The following CSN1S1 variants were observed in gnomAD, a reference collection of about 807,000 sequenced individuals.
The protein encoded by CSN1S1 is casein alpha s1.
A neutral mutation model predicts 49.1 loss-of-function variants in CSN1S1; 63 were observed. The observed-to-expected ratio is 1.28, with a 90% CI of 1.05 to 1.58. The LOEUF (loss-of-function observed/expected upper bound fraction) is 1.58, where lower values mean the gene tolerates loss of function less well. Among genes scored for constraint, CSN1S1 ranks in the 40% most tolerant of loss-of-function variants. The pLI is 0.00. For missense variants in CSN1S1, 260 were observed against 224.7 expected, an observed-to-expected ratio of 1.16 and a Z score of -1.01; for synonymous variants, 78 against 67.1, an observed-to-expected ratio of 1.16 and a Z score of -0.79.
At chr4:69,938,670 C>A (rs1722883661) in intron 9 of CSN1S1, among the ~76,000 whole-genome samples, 1 of 151,414 alleles carries the variant, frequency 6.6e-6, no homozygotes, top group African/African-American at 2.4e-5. Context: ...ACATAAATGA[C>A]TTTGAAGAAA....
intron 4 of CSN1S1, 127 bp downstream of exon 4, chr4:69,934,837 A>C (rs1295419543): frequency 7.6e-6 from 6 of 793,462 alleles, no homozygotes; most frequent in Non-Finnish European, 1.2e-5. Context: ...CAACAACTCA[A>C]GTACCTGGAT....
chr4:69,946,181 T>C lies in CSN1S1; in HGVS notation c.*-15T>C. The C allele has an allele frequency of 1.8e-6, 1 of 549,514 alleles. No homozygotes were observed. The highest frequency in any genetic ancestry group is 3.4e-6 in the Non-Finnish European group (1 of 296,812). 34.0% of individuals were successfully genotyped at this position (549,514 alleles called of 1,614,324 possible). Reference sequence around the variant, plus strand: ...TTTAATATAACTCACCACATATTTCTATTTCTATTTACAGATATGATTGAA... The same window carrying C: ...TTTAATATAACTCACCACATATTTCCATTTCTATTTACAGATATGATTGAA... On this transcript the variant is annotated splice_polypyrimidine_tract_variant and intron_variant, in intron 15 of 15. Coordinates refer to ENST00000246891, the MANE Select transcript of CSN1S1 (RefSeq NM_001890.2).
At chr4:69,935,562 T>C (rs1722749927) in intron 4 of CSN1S1, among the ~76,000 whole-genome samples, 1 of 152,048 alleles carries the variant, frequency 6.6e-6, no homozygotes, top group Non-Finnish European at 1.5e-5. Flanking sequence ...TTGTTGTTGT[T>C]GTTGTTTAAC....
At position 69,941,907 on chromosome 4, in the gene CSN1S1, G is replaced by C. The variant is rs143505960; in HGVS notation, c.343-139G>C. On this transcript the variant is annotated intron_variant, in intron 12 of 15. Coordinates refer to ENST00000246891, the MANE Select transcript of CSN1S1 (RefSeq NM_001890.2). ...ACTGTTAGAACCTACTTGTCCTCCT[G>C]AGAGATTTTGTAGTATTTTACAGTG... is the stretch of plus-strand genomic sequence containing the variant. The C allele has an allele frequency of 1.1e-3, 528 of 473,670 alleles. 3 individuals carry two copies. Among genetic ancestry groups the C allele is most frequent in the African/African-American group, 9.1e-3 (468 of 51,166 alleles). The allele number at this position is 473,670 out of a possible 1,614,324, so 29.3% of individuals were successfully genotyped here.
chr4:69,945,174 G>A (rs1723123622), intron 15 of CSN1S1, among the ~76,000 whole-genome samples, 170 bp downstream of exon 15: 1 of 151,966 alleles, frequency 6.6e-6, no homozygotes, highest in Non-Finnish European at 1.5e-5. Context: ...TGTGGGACCT[G>A]TGGCTAATAT....
At chr4:69,937,671 T>C in intron 8 of CSN1S1, 129 bp from the exon 9 acceptor site, 2 of 707,830 alleles carry the variant, frequency 2.8e-6, no homozygotes, top group East Asian at 3.2e-5. Flanking sequence ...GTTTTTTTAG[T>C]TTTTCTTATT....
Position 69,934,726 on chromosome 4 carries a change from G to A in CSN1S1, c.105+16G>A. On this transcript the variant is annotated intron_variant, in intron 4 of 15. Coordinates refer to ENST00000246891, the MANE Select transcript of CSN1S1 (RefSeq NM_001890.2). The stretch of plus-strand genomic sequence containing the variant: ...GAGCAGTGAGGTAAGCTCTGTTTAT[G>A]GGGAGTCAGGATTCTCTCTTCCTTT... 1.2e-6 allele frequency: 2 copies of A among 1,605,812 alleles called. No homozygotes were observed. The highest frequency in any genetic ancestry group is 1.1e-5 in the South Asian group (1 of 90,612).
At chr4:69,937,742 C>T (rs1722834824) in intron 8 of CSN1S1, 58 bp from the exon 9 acceptor site, 3 of 1,324,304 alleles carry the variant, frequency 2.3e-6, no homozygotes, top group African/African-American at 1.5e-5. Context: ...GTAATCATTA[C>T]TTTTGTATTT....
At chr4:69,936,204 T>C (rs2637803) in intron 5 of CSN1S1, among the ~76,000 whole-genome samples, 82,634 of 151,814 alleles carry the variant, frequency 0.54, 23,228 homozygotes, top group East Asian at 0.72. Flanking sequence ...AAATTTATTT[T>C]TAAATTTGTA....
chr4:69,940,491 T>A (rs1475747036), intron 11 of CSN1S1, among the ~76,000 whole-genome samples: 2 of 151,738 alleles, frequency 1.3e-5, no homozygotes, highest in Non-Finnish European at 3.0e-5. Flanking sequence ...AGCTCTACCT[T>A]TTACACGTAT....
rs1221581149 is a variant in CSN1S1 at position 69,945,847 on chromosome 4, GTGTT to G, written c.*-345_*-342del. 9.4e-5 allele frequency among the ~76,000 whole-genome samples: 9 copies of G among 95,452 alleles called. No homozygotes were observed. In the South Asian group the frequency reaches 2.0e-3, roughly 21 times the overall value. 62.6% of individuals were successfully genotyped at this position (95,452 alleles called of 152,430 possible). On this transcript the variant is annotated intron_variant, in intron 15 of 15. Transcript: ENST00000246891. Reference sequence around the variant, plus strand: ...CCACTACATTGGAGCTTCCAATTGTGTGTTTGTGTGTGTGTGTTTCCTTTTCCAG... The same window carrying G: ...CCACTACATTGGAGCTTCCAATTGTGTGTGTGTGTGTGTTTCCTTTTCCAG...
intron 2 of CSN1S1, among the ~76,000 whole-genome samples, chr4:69,933,892 A>G (rs1031083060): frequency 1.1e-4 from 16 of 152,022 alleles, no homozygotes; most frequent in African/African-American, 3.9e-4. Context: ...AACTAAATAA[A>G]TTGTTTATTA....
Position 69,941,076 on chromosome 4 carries a change from T to C in CSN1S1, c.342+16T>C. 3.0e-6 allele frequency: 4 copies of C among 1,342,600 alleles called. No individual in the cohort carries two copies. The Middle Eastern group carries it at 6.2e-4, about 207-fold the overall frequency. The allele number at this position is 1,342,600 out of a possible 1,614,324, so 83.2% of individuals were successfully genotyped here. A position where few individuals can be genotyped will look rare whatever the true frequency, so the allele number is the denominator to read the frequency against. ...ACTTCAGCTGGTAATATTTTATTCATTATAATACAAAATCATATTCTACTA... is the reference window on the plus strand; with the variant it reads ...ACTTCAGCTGGTAATATTTTATTCACTATAATACAAAATCATATTCTACTA... On this transcript the variant is annotated intron_variant, in intron 12 of 15. Coordinates refer to ENST00000246891, the MANE Select transcript of CSN1S1 (RefSeq NM_001890.2).
In CSN1S1 at chr4:69,942,036, T is replaced by C. The variant is rs756813253; in HGVS notation, c.343-10T>C. The C allele has an allele frequency of 5.5e-6, 8 of 1,457,138 alleles. No individual in the cohort carries two copies. Among genetic ancestry groups the C allele is most frequent in the African/African-American group, 2.8e-5 (2 of 71,426 alleles). 90.3% of individuals were successfully genotyped at this position (1,457,138 alleles called of 1,614,324 possible). On this transcript the variant is annotated splice_polypyrimidine_tract_variant and intron_variant, in intron 12 of 15. Coordinates refer to ENST00000246891, the MANE Select transcript of CSN1S1 (RefSeq NM_001890.2). The stretch of plus-strand genomic sequence containing the variant: ...GAAAATACTAAAACAGAATGTTTTC[T>C]CCTCCCTAGCAAGCTGCCCATGCCC...
At chr4:69,939,458 T>C (rs1025535935) in intron 10 of CSN1S1, among the ~76,000 whole-genome samples, 16 of 151,784 alleles carry the variant, frequency 1.1e-4, no homozygotes, top group African/African-American at 3.9e-4. Context: ...AAATTATTTT[T>C]TTAACCAATT....
intron 11 of CSN1S1, among the ~76,000 whole-genome samples, chr4:69,940,357 T>TA (rs1204848652): frequency 6.6e-6 from 1 of 151,804 alleles, no homozygotes; most frequent in Non-Finnish European, 1.5e-5. Context: ...CGACTTTTTT[T>TA]ATCCCAGTTA....
chr4:69,931,310 C>T (rs1048171431), intron 1 of CSN1S1, among the ~76,000 whole-genome samples, 193 bp downstream of exon 1: 2 of 151,930 alleles, frequency 1.3e-5, no homozygotes, highest in Non-Finnish European at 2.9e-5. Flanking sequence ...TGAATCAATA[C>T]AGTTTTATAA....
chr4:69,944,837 T>C lies in CSN1S1; in HGVS notation c.403-13T>C, dbSNP rs371424252. 3.7e-5 allele frequency: 60 copies of C among 1,611,130 alleles called. No individual in the cohort carries two copies. The African/African-American group carries it at 8.0e-4, about 22-fold the overall frequency. On this transcript the variant is annotated splice_polypyrimidine_tract_variant and intron_variant, in intron 14 of 15. Transcript: ENST00000246891. Reference sequence around the variant, plus strand: ...CTCATACACTGTTGCTTTTCAAATGTTTTTCCCTCTAGCCTTTCCAGCAGC... The same window carrying C: ...CTCATACACTGTTGCTTTTCAAATGCTTTTCCCTCTAGCCTTTCCAGCAGC...
intron 7 of CSN1S1, 58 bp downstream of exon 7, chr4:69,936,665 A>T: frequency 6.7e-7 from 1 of 1,490,804 alleles, no homozygotes; most frequent in Non-Finnish European, 9.0e-7. Flanking sequence ...TAGTAGAAAA[A>T]AAGTTTTCCT....
Sources: allele counts gnomAD v4.1 joint callset (sites outside exome capture counted in the v4.1 genomes callset), GRCh38; gene constraint gnomAD v4.1.1; transcripts MANE v1.5; gene names NCBI Gene and HGNC (gene_info 2026-07-23, HGNC 2026-07-21).